ABCC1: variants seen among roughly 807,000 people sequenced by gnomAD.
The protein encoded by ABCC1 is ATP binding cassette subfamily C member 1 (ABCC1 blood group).
In ABCC1, 83 loss-of-function variants were observed where a neutral mutation model predicts 172.9. That is an observed-to-expected ratio of 0.48 (90% CI 0.40 to 0.58). ABCC1 has a LOEUF of 0.58. Ranked by LOEUF, ABCC1 falls within the 20% of genes least tolerant of loss-of-function variation. ABCC1 has a pLI of 0.00. For missense variants in ABCC1, 1,817 were observed against 2,002.7 expected (o/e 0.91, Z 1.77); for synonymous variants, 937 against 825.2 (o/e 1.14, Z -2.32).
intron 26 of ABCC1, among the ~76,000 whole-genome samples, chr16:16,126,677 G>A (rs1044511648): frequency 1.3e-5 from 2 of 152,158 alleles, no homozygotes; most frequent in South Asian, 2.1e-4. Context: ...GAGCCACTGC[G>A]CCTGGCCTGT....
At chr16:16,085,573 A>T (rs1014906999) in intron 17 of ABCC1, among the ~76,000 whole-genome samples, 3 of 152,242 alleles carry the variant, frequency 2.0e-5, no homozygotes, top group Non-Finnish European at 4.4e-5. Flanking sequence ...TGAGGTCAGG[A>T]GTTCGAGACC....
intron 11 of ABCC1, among the ~76,000 whole-genome samples, chr16:16,054,993 C>A (rs1024768825): frequency 5.3e-5 from 8 of 152,036 alleles, no homozygotes; most frequent in Non-Finnish European, 1.2e-4. Flanking sequence ...TCTTTGGGAG[C>A]CTGAGGCAGG....
At chr16:16,074,468 G>C (rs1005122290) in intron 14 of ABCC1, among the ~76,000 whole-genome samples, 4 of 152,092 alleles carry the variant, frequency 2.6e-5, no homozygotes, top group Non-Finnish European at 5.9e-5. Context: ...GCGGTGGGTG[G>C]GGGGTGGTTT....
intron 1 of ABCC1, among the ~76,000 whole-genome samples, chr16:16,001,436 G>C (rs186580595): frequency 3.4e-4 from 51 of 152,098 alleles, no homozygotes; most frequent in Non-Finnish European, 6.6e-4. Flanking sequence ...TGCTGACCTC[G>C]TGATCCACCC....
chr16:16,032,966 TG>T, intron 5 of ABCC1, 142 bp from the exon 6 acceptor site: 1 of 708,644 alleles, frequency 1.4e-6, no homozygotes, highest in South Asian at 1.8e-5. Context: ...AGGGTCCTTT[TG>T]GGGTGCAGAA....
intron 1 of ABCC1, among the ~76,000 whole-genome samples, chr16:15,984,736 G>A (rs1215427896): frequency 1.3e-5 from 2 of 152,030 alleles, no homozygotes; most frequent in Non-Finnish European, 1.5e-5. Flanking sequence ...GAGCCACCGC[G>A]CCCGGCCTAT....
At chr16:16,086,722 G>T in intron 17 of ABCC1, 102 bp from the exon 18 acceptor site, 2 of 1,354,280 alleles carry the variant, frequency 1.5e-6, no homozygotes, top group Non-Finnish European at 1.0e-6. Context: ...TTCCACCTTG[G>T]CCTCCCAAAG....
intron 23 of ABCC1, among the ~76,000 whole-genome samples, chr16:16,118,247 C>T (rs4148373): frequency 0.049 from 7,420 of 152,156 alleles, 293 homozygotes; most frequent in Admixed American, 0.12. Flanking sequence ...CTCACCATAT[C>T]TCAAACCACG....
intron 1 of ABCC1, among the ~76,000 whole-genome samples, chr16:16,002,471 T>C (rs1375969372): frequency 6.6e-6 from 1 of 152,186 alleles, no homozygotes; most frequent in East Asian, 1.9e-4. Context: ...TCTATGTTAC[T>C]GATAAAGATA....
At chr16:16,042,702 C>CAAAAA in intron 7 of ABCC1, among the ~76,000 whole-genome samples, 1 of 124,022 alleles carries the variant, frequency 8.1e-6, no homozygotes, top group Non-Finnish European at 1.8e-5. Context: ...GACTCCATCT[C>CAAAAA]AAAAAAAAAA....
At chr16:16,090,345 C>A in intron 18 of ABCC1, 60 bp from the exon 19 acceptor site, 1 of 1,474,290 alleles carries the variant, frequency 6.8e-7, no homozygotes, top group South Asian at 1.4e-5. Context: ...CTTCACTCTG[C>A]CAAGCTAGGC....
chr16:16,077,179 C>T (rs981900357), intron 15 of ABCC1, among the ~76,000 whole-genome samples: 3 of 152,268 alleles, frequency 2.0e-5, no homozygotes, highest in Non-Finnish European at 2.9e-5. Context: ...TTAAGGAATC[C>T]GCAAAACACA....
intron 21 of ABCC1, among the ~76,000 whole-genome samples, chr16:16,110,414 C>T (rs1416672527): frequency 6.6e-6 from 1 of 151,660 alleles, no homozygotes; most frequent in Non-Finnish European, 1.5e-5. Context: ...TTTTTAGAGA[C>T]AGTCTCACTC....
Position 16,052,719 on chromosome 16 carries a change from C to T in ABCC1, c.1381-5C>T, listed in dbSNP as rs8187856. ...AGTGATGAAGAGTCTCCTTTCCTTC[C>T]TTAGAATCTGGGCCCTTCCGTCCTG... is the stretch of plus-strand genomic sequence containing the variant. On this transcript the variant is annotated splice_polypyrimidine_tract_variant and splice_region_variant and intron_variant, in intron 10 of 30. Coordinates refer to ENST00000399410, the MANE Select transcript of ABCC1 (RefSeq NM_004996.4). 6.2e-7 allele frequency: 1 copy of T among 1,613,878 alleles called. No homozygotes were observed. The highest frequency in any genetic ancestry group is 1.3e-5 in the African/African-American group (1 of 74,896).
chr16:15,991,369 C>T (rs1225960442), intron 1 of ABCC1, among the ~76,000 whole-genome samples: 1 of 152,054 alleles, frequency 6.6e-6, no homozygotes, highest in Admixed American at 6.6e-5. Flanking sequence ...GTTGGCAAAA[C>T]AGAGCGCCAC....
At position 16,111,726 on chromosome 16, in the gene ABCC1, T is replaced by C. The variant is rs45536434; in HGVS notation, c.3079+144T>C. ...CAGAAAAATGGTAGCTGTCAGCTAG[T>C]AGACACTCAGATATTTGTAGAGTGG... is the stretch of plus-strand genomic sequence containing the variant. On this transcript the variant is annotated intron_variant, in intron 22 of 30. Coordinates refer to ENST00000399410, the MANE Select transcript of ABCC1 (RefSeq NM_004996.4). The C allele has an allele frequency of 3.8e-4, 268 of 697,784 alleles. No homozygotes were observed. In the East Asian group the frequency reaches 6.1e-3, roughly 16 times the overall value. 43.2% of individuals were successfully genotyped at this position (697,784 alleles called of 1,614,324 possible). A position where few individuals can be genotyped will look rare whatever the true frequency, so the allele number is the denominator to read the frequency against.
At chr16:16,017,880 C>T (rs536456564) in intron 5 of ABCC1, among the ~76,000 whole-genome samples, 1 of 152,054 alleles carries the variant, frequency 6.6e-6, no homozygotes, top group African/African-American at 2.4e-5. Flanking sequence ...GTGTTCCAGG[C>T]AGAGGGGAAT....
At chr16:15,982,826 G>GAAAAAAAAAAAAAAA (rs1272269895) in intron 1 of ABCC1, among the ~76,000 whole-genome samples, 72 of 43,642 alleles carry the variant, frequency 1.6e-3, no homozygotes, top group Middle Eastern at 0.01. Context: ...AAAAAAAAAG[G>GAAAAAAAAAAAAAAA]AAATCCATTC....
chr16:15,950,387 C>T (rs1421362187), intron 1 of ABCC1, among the ~76,000 whole-genome samples: 2 of 151,904 alleles, frequency 1.3e-5, no homozygotes, highest in African/African-American at 2.4e-5. Context: ...TTGGGGGAAC[C>T]AGGGAAGAAG....
Sources: gnomAD v4.1 joint callset for allele counts (sites outside exome capture counted in the v4.1 genomes callset) on GRCh38, gnomAD v4.1.1 for gene constraint, MANE v1.5 for transcripts, NCBI Gene and HGNC (gene_info 2026-07-23, HGNC 2026-07-21) for gene names.